Variants in UBE2H observed in about 807,000 individuals in gnomAD.
UBE2H encodes the protein ubiquitin-conjugating enzyme E2 H.
Under a neutral mutation model 29.0 loss-of-function variants are expected in UBE2H, and 3 were observed. The observed-to-expected ratio is 0.10, with a 90% CI of 0.05 to 0.27. The LOEUF (loss-of-function observed/expected upper bound fraction) is 0.27, where lower values mean the gene tolerates loss of function less well. UBE2H is among the 10% of genes least tolerant of loss of function. The probability of loss-of-function intolerance (pLI) is 1.00; values close to 1 mark genes in which losing one functional copy is unlikely to be tolerated. For synonymous variants in UBE2H, 69 were observed against 82.9 expected (o/e 0.83, Z 0.91); for missense variants, 68 against 228.2 (o/e 0.30, Z 4.52).
intron 1 of UBE2H, among the ~76,000 whole-genome samples, chr7:129,918,359 ATTCT>A (rs976619113): frequency 1.3e-5 from 2 of 150,180 alleles, no homozygotes; most frequent in African/African-American, 2.5e-5. Flanking sequence ...AAAAATCCAA[ATTCT>A]TTTTTTTTTT....
At chr7:129,912,758 C>T (rs942510227) in intron 1 of UBE2H, among the ~76,000 whole-genome samples, 2 of 152,162 alleles carry the variant, frequency 1.3e-5, no homozygotes, top group Non-Finnish European at 2.9e-5. Context: ...CTTTACTCAA[C>T]GGCCTTTAGG....
chr7:129,867,956 C>T (rs1584754144), intron 3 of UBE2H, among the ~76,000 whole-genome samples: 1 of 152,222 alleles, frequency 6.6e-6, no homozygotes, highest in East Asian at 1.9e-4. Flanking sequence ...TAAACTTCCA[C>T]TAACAACACA....
chr7:129,918,338 G>A (rs1224631501), intron 1 of UBE2H, among the ~76,000 whole-genome samples: 2 of 151,516 alleles, frequency 1.3e-5, no homozygotes, highest in African/African-American at 4.8e-5. Flanking sequence ...CCTCATGAAA[G>A]ACATTGTCCA....
intron 6 of UBE2H, among the ~76,000 whole-genome samples, chr7:129,838,241 T>C (rs983237301): frequency 3.3e-5 from 5 of 152,208 alleles, no homozygotes; most frequent in Non-Finnish European, 5.9e-5. Flanking sequence ...CAATACCCTA[T>C]AGAGACCTTG....
intron 3 of UBE2H, among the ~76,000 whole-genome samples, chr7:129,875,804 A>G (rs563762667): frequency 6.6e-6 from 1 of 152,288 alleles, no homozygotes; most frequent in East Asian, 1.9e-4. Context: ...AGCTGAGCAC[A>G]AGTATCAAAG....
At chr7:129,930,387 C>T (rs1451484284) in intron 1 of UBE2H, among the ~76,000 whole-genome samples, 1 of 152,132 alleles carries the variant, frequency 6.6e-6, no homozygotes, top group African/African-American at 2.4e-5. Context: ...TCTCAAACTC[C>T]CGACGACCTC....
intron 5 of UBE2H, among the ~76,000 whole-genome samples, chr7:129,850,801 T>A (rs1460195888): frequency 8.1e-6 from 1 of 123,470 alleles, no homozygotes; most frequent in Non-Finnish European, 1.6e-5. Flanking sequence ...GGCGACAGAG[T>A]AAGACTCTGT....
At chr7:129,872,178 A>G (rs941566809) in intron 3 of UBE2H, among the ~76,000 whole-genome samples, 1 of 152,138 alleles carries the variant, frequency 6.6e-6, no homozygotes, top group African/African-American at 2.4e-5. Flanking sequence ...TATTTGTGAA[A>G]ATACAGTGGT....
chr7:129,859,020 G>T, intron 3 of UBE2H, 79 bp from the exon 4 acceptor site: 1 of 1,198,372 alleles, frequency 8.3e-7, no homozygotes, highest in Non-Finnish European at 1.2e-6. Context: ...AACAATTTCA[G>T]TATTGGGAAA....
intron 1 of UBE2H, among the ~76,000 whole-genome samples, chr7:129,881,547 C>A (rs991728914): frequency 1.3e-5 from 2 of 152,050 alleles, no homozygotes; most frequent in African/African-American, 4.8e-5. Flanking sequence ...ACTCAGGAGG[C>A]CGAGGCAAAA....
chr7:129,834,797 A>T lies in UBE2H; in HGVS notation c.*140T>A, dbSNP rs1805292275. The stretch of plus-strand genomic sequence containing the variant: ...AATCAAGATCTAAAGGGTGATATAT[A>T]ATATATATATATCAATGCTATTATT... On this transcript the variant is annotated 3_prime_UTR_variant, in exon 7 of 7. Transcript: ENST00000355621. 2 of 920,948 alleles carry T rather than the reference A, an allele frequency of 2.2e-6. No individual in the cohort carries two copies. The allele number at this position is 920,948 out of a possible 1,614,324, so 57.0% of individuals were successfully genotyped here.
intron 5 of UBE2H, among the ~76,000 whole-genome samples, chr7:129,855,474 T>C (rs971498214): frequency 1.3e-5 from 2 of 152,222 alleles, no homozygotes; most frequent in Non-Finnish European, 1.5e-5. Flanking sequence ...TCGGAGTGTA[T>C]GTTCTTTCTT....
intron 6 of UBE2H, among the ~76,000 whole-genome samples, chr7:129,836,857 G>A (rs1463964426): frequency 8.5e-5 from 9 of 105,912 alleles, no homozygotes; most frequent in Non-Finnish European, 1.7e-4. Context: ...TCCAGCCTAG[G>A]CGACAGGGCA....
In UBE2H at chr7:129,946,595, A is replaced by G. The variant is rs995467893; in HGVS notation, c.53+5908T>C. ...CACCCTAGACCCAATGAATTAGAAAACTCCAGGAGTGGTATGCAGTAACCT... is the reference window on the plus strand; with the variant it reads ...CACCCTAGACCCAATGAATTAGAAAGCTCCAGGAGTGGTATGCAGTAACCT... On this transcript the variant is annotated intron_variant, in intron 1 of 6. Coordinates refer to ENST00000355621, the MANE Select transcript of UBE2H (RefSeq NM_003344.4). 5.3e-5 allele frequency among the ~76,000 whole-genome samples: 8 copies of G among 151,624 alleles called. 1 individual carries two copies. Among genetic ancestry groups the G allele is most frequent in the Admixed American group, 4.6e-4 (7 of 15,200 alleles).
intron 3 of UBE2H, among the ~76,000 whole-genome samples, chr7:129,868,524 G>A (rs1257763285): frequency 7.1e-6 from 1 of 141,546 alleles, no homozygotes; most frequent in Non-Finnish European, 1.5e-5. Flanking sequence ...AGCTTGCAGT[G>A]AGCCGAGATT....
chr7:129,901,682 C>T (rs905651600), intron 1 of UBE2H, among the ~76,000 whole-genome samples: 3 of 152,034 alleles, frequency 2.0e-5, no homozygotes, highest in East Asian at 1.9e-4. Context: ...GCAACCTCTG[C>T]CTCCCGGGTT....
chr7:129,936,480 G>C (rs1456559720), intron 1 of UBE2H, among the ~76,000 whole-genome samples: 20 of 151,318 alleles, frequency 1.3e-4, no homozygotes, highest in Admixed American at 1.3e-3. Context: ...TGTAGTCCCA[G>C]CTACTCGGGA....
chr7:129,907,500 T>C (rs1270652772), intron 1 of UBE2H, among the ~76,000 whole-genome samples: 1 of 152,182 alleles, frequency 6.6e-6, no homozygotes. Context: ...GAGGTTCATG[T>C]AGCCGGGTTG....
At chr7:129,848,701 C>T (rs929379071) in intron 5 of UBE2H, among the ~76,000 whole-genome samples, 4 of 152,204 alleles carry the variant, frequency 2.6e-5, no homozygotes, top group Non-Finnish European at 4.4e-5. Context: ...GTATTGAATT[C>T]GTCATGAACT....
Sources: allele counts gnomAD v4.1 joint callset (sites outside exome capture counted in the v4.1 genomes callset), GRCh38; gene constraint gnomAD v4.1.1; transcripts MANE v1.5; gene names NCBI Gene and HGNC (gene_info 2026-07-23, HGNC 2026-07-21).